The following FMN2 variants were observed in gnomAD, a reference collection of about 807,000 sequenced individuals.
FMN2 encodes formin-2.
Under a neutral mutation model 142.3 loss-of-function variants are expected in FMN2, and 51 were observed. That is an observed-to-expected ratio of 0.36 (90% confidence interval 0.29 to 0.45). FMN2 has a LOEUF of 0.45. FMN2 is among the 20% of genes least tolerant of loss of function. FMN2 has a pLI of 1.00. For missense variants in FMN2, 1,936 were observed against 2,122.8 expected (o/e 0.91, Z 1.73); for synonymous variants, 882 against 869.8 (o/e 1.01, Z -0.25).
intron 2 of FMN2, among the ~76,000 whole-genome samples, chr1:240,168,429 A>G (rs1487690804): frequency 1.3e-5 from 2 of 152,106 alleles, no homozygotes; most frequent in Non-Finnish European, 2.9e-5. Context: ...TCTCCAAAAA[A>G]CAAAAACAAA....
At position 240,248,055 on chromosome 1, in the gene FMN2, A is replaced by G. The variant is rs573911374; in HGVS notation, c.4066-9890A>G. The stretch of plus-strand genomic sequence containing the variant: ...TCATTAGAACGTATTTCTTCTATCT[A>G]ATGCTTGTACCCATTAATCAATCTC... On this transcript the variant is annotated intron_variant, in intron 6 of 17. Coordinates refer to ENST00000319653, the MANE Select transcript of FMN2 (RefSeq NM_020066.5). 3.9e-5 allele frequency among the ~76,000 whole-genome samples: 6 copies of G among 151,948 alleles called. No individual in the cohort carries two copies. In the South Asian group the frequency reaches 1.2e-3, roughly 32 times the overall value.
intron 6 of FMN2, among the ~76,000 whole-genome samples, chr1:240,228,333 G>GAAAAAAA (rs1176161325): frequency 2.0e-5 from 1 of 49,112 alleles, no homozygotes; most frequent in African/African-American, 9.9e-5. Flanking sequence ...AAAAAAAAAA[G>GAAAAAAA]AAAAAGAAAA....
chr1:240,122,563 G>T (rs961246515), intron 1 of FMN2, among the ~76,000 whole-genome samples: 1 of 152,126 alleles, frequency 6.6e-6, no homozygotes, highest in Non-Finnish European at 1.5e-5. Flanking sequence ...GATTACAGGT[G>T]TGAGCCACCA....
intron 2 of FMN2, among the ~76,000 whole-genome samples, chr1:240,131,664 G>A (rs550637075): frequency 2.6e-5 from 4 of 151,830 alleles, no homozygotes; most frequent in East Asian, 1.9e-4. Flanking sequence ...AGCCAAGATC[G>A]CACTATTGCA....
chr1:240,329,526 G>A, intron 10 of FMN2, 58 bp downstream of exon 10: 1 of 1,572,714 alleles, frequency 6.4e-7, no homozygotes, highest in Admixed American at 2.0e-5. Flanking sequence ...GCTCAGCCAT[G>A]TTCTTATTTC....
At chr1:240,291,130 C>T (rs1315064676) in intron 7 of FMN2, among the ~76,000 whole-genome samples, 2 of 151,956 alleles carry the variant, frequency 1.3e-5, no homozygotes, top group Non-Finnish European at 1.5e-5. Context: ...ATTAGTAACA[C>T]GTGGTCATTT....
At chr1:240,187,269 CAAAAAAAAAAAAAAAAAAAAAAG>C in intron 3 of FMN2, among the ~76,000 whole-genome samples, 1 of 83,786 alleles carries the variant, frequency 1.2e-5, no homozygotes, top group South Asian at 4.5e-4. Flanking sequence ...AACTCCATCT[CAAAAAAAAAAAAAAAAAAAAAAG>C]AAAAGAAAAA....
At chr1:240,153,965 A>G (rs1243685477) in intron 2 of FMN2, among the ~76,000 whole-genome samples, 1 of 151,822 alleles carries the variant, frequency 6.6e-6, no homozygotes, top group Non-Finnish European at 1.5e-5. Context: ...AAAATACAAA[A>G]ATCAGCCAGG....
rs10649766 is a variant in FMN2 at position 240,437,292 on chromosome 1, CT to C, written c.4911-750del. On this transcript the variant is annotated intron_variant, in intron 15 of 17. Coordinates refer to ENST00000319653, the MANE Select transcript of FMN2 (RefSeq NM_020066.5). ...TAGGAGACTTTGTCAGCATCTCTTG[CT>C]TTTTTTTTTTTTTTTTTTGAGACGG... Among the ~76,000 whole-genome samples the C allele has an allele frequency of 4.0e-3, 466 of 117,342 alleles. 3 individuals are homozygous for C. Among genetic ancestry groups the C allele is most frequent in the African/African-American group, 0.013 (371 of 28,970 alleles). The allele number at this position is 117,342 out of a possible 152,430, so 77.0% of individuals were successfully genotyped here.
At chr1:240,261,739 C>T (rs1196688929) in intron 7 of FMN2, among the ~76,000 whole-genome samples, 2 of 152,120 alleles carry the variant, frequency 1.3e-5, no homozygotes, top group African/African-American at 2.4e-5. Flanking sequence ...TTTATTAATG[C>T]GGCAAATATA....
chr1:240,427,437 C>A (rs987190989), intron 15 of FMN2, among the ~76,000 whole-genome samples: 2 of 151,774 alleles, frequency 1.3e-5, no homozygotes, highest in Non-Finnish European at 2.9e-5. Flanking sequence ...CATCTCCTGA[C>A]CTTGTGATCT....
chr1:240,356,936 C>A (rs1288709016), intron 14 of FMN2, among the ~76,000 whole-genome samples: 1 of 152,150 alleles, frequency 6.6e-6, no homozygotes, highest in Non-Finnish European at 1.5e-5. Flanking sequence ...TCATAAATCA[C>A]GTTGAATGTC....
At chr1:240,225,528 G>A (rs1377208343) in intron 6 of FMN2, among the ~76,000 whole-genome samples, 2 of 152,206 alleles carry the variant, frequency 1.3e-5, no homozygotes, top group Non-Finnish European at 2.9e-5. Context: ...GCCTAGTGAA[G>A]TAACCAAGTA....
Position 240,298,758 on chromosome 1 carries a change from T to C in FMN2, c.4215+3875T>C, listed in dbSNP as rs200574980. Among the ~76,000 whole-genome samples the C allele has an allele frequency of 2.6e-5, 4 of 152,264 alleles. No homozygotes were observed. The East Asian group carries it at 7.7e-4, about 29-fold the overall frequency. Reference sequence around the variant, plus strand: ...AACCATCCCCATAATGCCAGGTCTGTGGAAGAATTGTCTTCCACAAAACTG... The same window carrying C: ...AACCATCCCCATAATGCCAGGTCTGCGGAAGAATTGTCTTCCACAAAACTG... On this transcript the variant is annotated intron_variant, in intron 8 of 17. Transcript: ENST00000319653.
intron 6 of FMN2, among the ~76,000 whole-genome samples, chr1:240,234,901 T>C (rs193185741): frequency 1.3e-3 from 204 of 152,338 alleles, no homozygotes; most frequent in African/African-American, 4.3e-3. Context: ...TGTCAGCTTC[T>C]AATGTTTGTA....
chr1:240,451,583 C>T (rs979302288), intron 16 of FMN2, among the ~76,000 whole-genome samples: 10 of 152,030 alleles, frequency 6.6e-5, no homozygotes, highest in African/African-American at 2.2e-4. Flanking sequence ...GTTAGAGAGG[C>T]CCAACTGCCT....
chr1:240,211,163 AT>A lies in FMN2; in HGVS notation c.3997del (p.Ser1333LeufsTer5). The A allele has an allele frequency of 6.2e-7, 1 of 1,613,556 alleles. No individual in the cohort carries two copies. Among genetic ancestry groups the A allele is most frequent in the Non-Finnish European group, 8.5e-7 (1 of 1,179,768 alleles). ...SIDCHEFEEL[F>X]SKTAVKERKK... Reference sequence around the variant, plus strand: ...TAGATTGTCATGAATTTGAGGAATTATTTTCTAAAACTGCTGTAAAGGAGAG... The same window carrying A: ...TAGATTGTCATGAATTTGAGGAATTATTTCTAAAACTGCTGTAAAGGAGAG... On this transcript the variant is annotated frameshift_variant, in exon 6 of 18. Transcript: ENST00000319653. LOFTEE classifies it high-confidence loss of function.
chr1:240,446,462 G>A (rs773969488), intron 16 of FMN2, among the ~76,000 whole-genome samples: 9 of 152,100 alleles, frequency 5.9e-5, no homozygotes, highest in Non-Finnish European at 1.3e-4. Flanking sequence ...TTGCTAAAAG[G>A]GTTTTTTGAT....
At position 240,339,084 on chromosome 1, in the gene FMN2, C is replaced by T. The variant is rs116357157; in HGVS notation, c.4765+4855C>T. ...AGGCGGTAATGCTTGCGATGAGGAG[C>T]GGCTATAAATACAGATGAAGCTTTG... On this transcript the variant is annotated intron_variant, in intron 13 of 17. Transcript: ENST00000319653. 2.6e-3 allele frequency among the ~76,000 whole-genome samples: 397 copies of T among 152,204 alleles called. 3 individuals are homozygous for T. The highest frequency in any genetic ancestry group is 8.7e-3 in the African/African-American group (363 of 41,546).
Sources: allele counts gnomAD v4.1 joint callset (sites outside exome capture counted in the v4.1 genomes callset), GRCh38; gene constraint gnomAD v4.1.1; transcripts MANE v1.5; gene names NCBI Gene and HGNC (gene_info 2026-07-23, HGNC 2026-07-21).